The following PLXDC2 variants were observed in gnomAD, a reference collection of about 807,000 sequenced individuals.
PLXDC2 encodes the protein plexin domain-containing protein 2.
A neutral mutation model predicts 68.9 loss-of-function variants in PLXDC2; 40 were observed. That is an observed-to-expected ratio of 0.58 (90% CI 0.45 to 0.76). The LOEUF is 0.76. Ranked by LOEUF, PLXDC2 falls within the 30% of genes least tolerant of loss-of-function variation. The pLI is 0.00. For synonymous variants in PLXDC2, 243 were observed against 234.2 expected, an observed-to-expected ratio of 1.04 and a Z score of -0.34; for missense variants, 644 against 661.9, an observed-to-expected ratio of 0.97 and a Z score of 0.30.
intron 1 of PLXDC2, among the ~76,000 whole-genome samples, chr10:19,841,129 C>T (rs333693): frequency 0.62 from 94,479 of 151,984 alleles, 29,988 homozygotes; most frequent in East Asian, 0.75. Context: ...TCCTTCTCTT[C>T]AAATCTTACA....
chr10:20,268,370 T>C (rs1162377226), intron 13 of PLXDC2, among the ~76,000 whole-genome samples: 1 of 152,202 alleles, frequency 6.6e-6, no homozygotes, highest in African/African-American at 2.4e-5. Context: ...TTTTAAAGTT[T>C]CTTTAAAACT....
rs192811610 is a variant in PLXDC2, at chr10:20,039,983, C to T, written c.325-6886C>T. 1.4e-4 allele frequency among the ~76,000 whole-genome samples: 21 copies of T among 152,288 alleles called. No individual in the cohort carries two copies. In the East Asian group the frequency reaches 3.9e-3, roughly 28 times the overall value. On this transcript the variant is annotated intron_variant, in intron 2 of 13. Transcript: ENST00000377252. Reference sequence around the variant, plus strand: ...AATAAAATTCTAAGCATCCAACCAGCTGAATCGACCTTTCTTGGCCAAGAG... The same window carrying T: ...AATAAAATTCTAAGCATCCAACCAGTTGAATCGACCTTTCTTGGCCAAGAG...
At chr10:20,139,640 G>A (rs1021882827) in intron 4 of PLXDC2, among the ~76,000 whole-genome samples, 1 of 152,152 alleles carries the variant, frequency 6.6e-6, no homozygotes, top group Non-Finnish European at 1.5e-5. Context: ...TAAAGAAAAT[G>A]TAGCACATAA....
chr10:20,179,494 A>G (rs1834573339), intron 9 of PLXDC2, among the ~76,000 whole-genome samples: 1 of 152,048 alleles, frequency 6.6e-6, no homozygotes, highest in African/African-American at 2.4e-5. Context: ...CAATGCTAAA[A>G]CCAGGAAAGT....
In PLXDC2 at chr10:19,897,944, ATCT is replaced by A. The variant is rs1208359860; in HGVS notation, c.112+80760_112+80762del. On this transcript the variant is annotated intron_variant, in intron 1 of 13. Transcript: ENST00000377252. ...CGAAAATGAAAGTTCTATCATGTTT[ATCT>A]TCTTCTGTAATCAATGAAACTGAAA... Among the ~76,000 whole-genome samples the A allele has an allele frequency of 2.6e-5, 4 of 152,300 alleles. No homozygotes were observed. In the East Asian group the frequency reaches 5.8e-4, roughly 22 times the overall value.
chr10:19,905,267 C>T (rs560690126), intron 1 of PLXDC2, among the ~76,000 whole-genome samples: 21 of 152,290 alleles, frequency 1.4e-4, no homozygotes, highest in South Asian at 4.1e-4. Flanking sequence ...GAATCCAAAA[C>T]GATAGTCAGT....
At chr10:19,948,394 T>C (rs72789618) in intron 1 of PLXDC2, among the ~76,000 whole-genome samples, 93 of 97,260 alleles carry the variant, frequency 9.6e-4, no homozygotes, top group Non-Finnish European at 1.4e-3. Flanking sequence ...TTCTTTCTTT[T>C]TTTTTTTTTT....
At chr10:19,955,457 A>G (rs1242806560) in intron 1 of PLXDC2, among the ~76,000 whole-genome samples, 1 of 152,064 alleles carries the variant, frequency 6.6e-6, no homozygotes, top group East Asian at 1.9e-4. Flanking sequence ...TGGCACCCAT[A>G]TTCTCTAACC....
At chr10:20,209,335 A>AT (rs111770140) in intron 9 of PLXDC2, among the ~76,000 whole-genome samples, 28,053 of 151,576 alleles carry the variant, frequency 0.19, 3,068 homozygotes, top group Middle Eastern at 0.25. Context: ...GAGGAAAACA[A>AT]TGAGAACCTG....
intron 12 of PLXDC2, among the ~76,000 whole-genome samples, chr10:20,225,478 A>T (rs1271543303): frequency 6.6e-6 from 1 of 152,084 alleles, no homozygotes; most frequent in African/African-American, 2.4e-5. Context: ...TTCTGTTTTT[A>T]AAACTGTAAA....
intron 3 of PLXDC2, among the ~76,000 whole-genome samples, chr10:20,060,926 AT>A (rs1428815012): frequency 4.6e-5 from 7 of 152,172 alleles, no homozygotes; most frequent in African/African-American, 1.7e-4. Flanking sequence ...AGCCCAACAC[AT>A]TTGGATTGAA....
At position 20,227,009 on chromosome 10, in the gene PLXDC2, T is replaced by G. The variant is rs907597619; in HGVS notation, c.1312+7907T>G. On this transcript the variant is annotated intron_variant, in intron 12 of 13. Transcript: ENST00000377252. ...ATGCCCCTTCTCGGTGTGTTCTACA[T>G]GTGTAAAGTGATTATTCTTTTTTAA... Among the ~76,000 whole-genome samples the G allele has an allele frequency of 4.6e-5, 7 of 152,260 alleles. No individual in the cohort carries two copies. In the South Asian group the frequency reaches 1.0e-3, roughly 23 times the overall value.
intron 1 of PLXDC2, among the ~76,000 whole-genome samples, chr10:19,937,182 T>C (rs1833738981): frequency 6.6e-6 from 1 of 152,172 alleles, no homozygotes; most frequent in Admixed American, 6.5e-5. Flanking sequence ...TTTTTCAAAG[T>C]GTTACATTAA....
At chr10:19,834,691 T>C (rs1415867785) in intron 1 of PLXDC2, among the ~76,000 whole-genome samples, 1 of 152,222 alleles carries the variant, frequency 6.6e-6, no homozygotes, top group African/African-American at 2.4e-5. Context: ...GTGACATTAA[T>C]ATGCTGTTAG....
intron 1 of PLXDC2, among the ~76,000 whole-genome samples, chr10:19,889,570 T>C (rs1219831893): frequency 6.6e-6 from 1 of 151,994 alleles, no homozygotes; most frequent in Non-Finnish European, 1.5e-5. Flanking sequence ...TAAAATGGAG[T>C]GTTATTTTCT....
chr10:19,989,840 C>G lies in PLXDC2; in HGVS notation c.113-11935C>G, dbSNP rs181308347. Reference sequence around the variant, plus strand: ...TCTTGACTCACTGCAACCTCCATCCCCTGGGTTTAAGCAATTCTCCTGCCT... The same window carrying G: ...TCTTGACTCACTGCAACCTCCATCCGCTGGGTTTAAGCAATTCTCCTGCCT... On this transcript the variant is annotated intron_variant, in intron 1 of 13. Transcript: ENST00000377252. Among the ~76,000 whole-genome samples, 1,048 of 151,476 alleles carry G rather than the reference C, an allele frequency of 6.9e-3. 11 individuals carry two copies. Among genetic ancestry groups the G allele is most frequent in the Non-Finnish European group, 0.011 (752 of 67,872 alleles).
Position 19,989,901 on chromosome 10 carries a change from C to T in PLXDC2, c.113-11874C>T, listed in dbSNP as rs374235384. On this transcript the variant is annotated intron_variant, in intron 1 of 13. Coordinates refer to ENST00000377252, the MANE Select transcript of PLXDC2 (RefSeq NM_032812.9). ...AGTAGCTGTGATTGCAAGCATTCGCCACCATGCCCGGCTAATTTTTGTATC... is the reference window on the plus strand; with the variant it reads ...AGTAGCTGTGATTGCAAGCATTCGCTACCATGCCCGGCTAATTTTTGTATC... Among the ~76,000 whole-genome samples the T allele has an allele frequency of 3.9e-5, 6 of 151,952 alleles. No homozygotes were observed. In the East Asian group the frequency reaches 9.7e-4, roughly 25 times the overall value.
At chr10:20,025,268 C>CTT (rs56863692) in intron 2 of PLXDC2, among the ~76,000 whole-genome samples, 145 of 145,054 alleles carry the variant, frequency 1.0e-3, no homozygotes, top group African/African-American at 3.5e-3. Flanking sequence ...GTTTTTTCGA[C>CTT]TTTTTTTTTT....
chr10:19,866,670 A>G (rs984234048), intron 1 of PLXDC2, among the ~76,000 whole-genome samples: 5 of 152,224 alleles, frequency 3.3e-5, no homozygotes, highest in African/African-American at 1.2e-4. Flanking sequence ...GAGAAAGTGA[A>G]CTAATTATTG....
Sources: allele counts gnomAD v4.1 joint callset (sites outside exome capture counted in the v4.1 genomes callset), GRCh38; gene constraint gnomAD v4.1.1; transcripts MANE v1.5; gene names NCBI Gene and HGNC (gene_info 2026-07-23, HGNC 2026-07-21).